RAI1: variants seen among roughly 807,000 people sequenced by gnomAD.
RAI1 encodes retinoic acid induced 1.
Under a neutral mutation model 123.8 loss-of-function variants are expected in RAI1, and 9 were observed. The observed-to-expected ratio is 0.07, with a 90% CI of 0.04 to 0.13. The LOEUF is 0.13. Ranked by LOEUF, RAI1 falls within the 10% of genes least tolerant of loss-of-function variation. The probability of loss-of-function intolerance (pLI) is 1.00; values close to 1 mark genes in which losing one functional copy is unlikely to be tolerated. For missense variants in RAI1, 2,256 were observed against 2,545.8 expected (o/e 0.89, Z 2.45); for synonymous variants, 1,231 against 1,127.3 (o/e 1.09, Z -1.84).
chr17:17,714,684 G>A lies in RAI1; in HGVS notation c.-148-9344G>A, dbSNP rs1786415020. On this transcript the variant is annotated intron_variant, in intron 1 of 5. Transcript: ENST00000353383. The surrounding 1 kb of genome is among the most constrained non-coding windows in gnomAD (Gnocchi z 4.9). ...CTGGCACACATTGTGGGAGTGCTGT[G>A]GGTCGAATAAGGAAGCTGAGCAGCA... 6.6e-6 allele frequency among the ~76,000 whole-genome samples: 1 copy of A among 152,190 alleles called. No individual in the cohort carries two copies. Among genetic ancestry groups the A allele is most frequent in the Non-Finnish European group, 1.5e-5 (1 of 68,038 alleles).
At chr17:17,771,167 C>T (rs2031142689) in intron 2 of RAI1, among the ~76,000 whole-genome samples, 1 of 152,126 alleles carries the variant, frequency 6.6e-6, no homozygotes, top group Admixed American at 6.5e-5. Flanking sequence ...AAGAAGGGCC[C>T]TAGGAGCTAC....
At chr17:17,806,904 G>A (rs1261498374) in intron 4 of RAI1, among the ~76,000 whole-genome samples, 1 of 151,822 alleles carries the variant, frequency 6.6e-6, no homozygotes, top group Non-Finnish European at 1.5e-5. Flanking sequence ...GGTGCGGGGA[G>A]GGGACTGGGC....
rs898964054 is a variant in RAI1, at chr17:17,681,664, C to T, written c.-278C>T. The T allele has an allele frequency of 1.2e-5, 3 of 260,114 alleles. No individual in the cohort carries two copies. Among genetic ancestry groups the T allele is most frequent in the African/African-American group, 4.6e-5 (2 of 43,494 alleles). The allele number at this position is 260,114 out of a possible 1,614,324, so 16.1% of individuals were successfully genotyped here. ...CCGGCGCGAGGAGGGGGCGCCGCGG[C>T]CCACCCTCCTTCCTGCCTGGCCGCG... is the stretch of plus-strand genomic sequence containing the variant. On this transcript the variant is annotated 5_prime_UTR_variant, in exon 1 of 6. Transcript: ENST00000353383.
intron 1 of RAI1, among the ~76,000 whole-genome samples, chr17:17,697,454 C>T (rs890206346): frequency 1.3e-5 from 2 of 152,266 alleles, no homozygotes; most frequent in Non-Finnish European, 2.9e-5. Context: ...CAGCCTGCAG[C>T]CAACGGCCCG....
At chr17:17,705,805 C>T (rs2142896144) in intron 1 of RAI1, among the ~76,000 whole-genome samples, 1 of 152,150 alleles carries the variant, frequency 6.6e-6, no homozygotes, top group East Asian at 1.9e-4. Flanking sequence ...GTGGGCAGAT[C>T]ACGAGGTCAA....
chr17:17,788,856 T>C (rs956474736), intron 2 of RAI1, among the ~76,000 whole-genome samples: 7 of 152,132 alleles, frequency 4.6e-5, no homozygotes, highest in African/African-American at 1.4e-4. Flanking sequence ...TGTGCCCATT[T>C]CGCTGACTGG....
intron 1 of RAI1, among the ~76,000 whole-genome samples, chr17:17,717,674 C>T (rs528096653): frequency 5.9e-5 from 9 of 152,316 alleles, no homozygotes; most frequent in Admixed American, 2.6e-4. Context: ...TCCTGCCCCC[C>T]ACCTGGGCCC....
intron 1 of RAI1, among the ~76,000 whole-genome samples, chr17:17,706,294 C>T (rs371152936): frequency 3.9e-5 from 6 of 152,104 alleles, no homozygotes; most frequent in South Asian, 4.1e-4. Context: ...CAGTTGGGTC[C>T]GGCCAGCAGG....
rs571229335 is a variant in RAI1 at position 17,793,782 on chromosome 17, G to GCAA, written c.836_837insACA (p.Gln291dup). 4.1e-4 allele frequency: 323 copies of GCAA among 783,942 alleles called. No individual in the cohort carries two copies. In the East Asian group the frequency reaches 6.5e-3, roughly 16 times the overall value. The allele number at this position is 783,942 out of a possible 1,614,324, so 48.6% of individuals were successfully genotyped here. ...AGTCGGGCCGCCTCAGCTATGACCA[G>GCAA]CAGCAGCAGCAGCAGCAGCAGCAGC... On this transcript the variant is annotated inframe_insertion, in exon 3 of 6. Coordinates refer to ENST00000353383, the MANE Select transcript of RAI1 (RefSeq NM_030665.4).
At chr17:17,716,230 AG>A (rs1915707582) in intron 1 of RAI1, among the ~76,000 whole-genome samples, 1 of 152,146 alleles carries the variant, frequency 6.6e-6, no homozygotes, top group Non-Finnish European at 1.5e-5. Flanking sequence ...AAGTGGCTGG[AG>A]GGGTCACTTG....
intron 2 of RAI1, among the ~76,000 whole-genome samples, chr17:17,735,705 C>T (rs1916412296): frequency 6.6e-6 from 1 of 152,200 alleles, no homozygotes; most frequent in African/African-American, 2.4e-5. Context: ...GTGGCCTGGG[C>T]TGCTCCAGGA....
chr17:17,768,380 T>G (rs2031018786), intron 2 of RAI1, among the ~76,000 whole-genome samples: 1 of 152,232 alleles, frequency 6.6e-6, no homozygotes, highest in Admixed American at 6.5e-5. Flanking sequence ...CCACAAATTC[T>G]GAGGCCACTC....
chr17:17,752,219 C>T (rs2030208527), intron 2 of RAI1, among the ~76,000 whole-genome samples: 1 of 152,138 alleles, frequency 6.6e-6, no homozygotes, highest in Non-Finnish European at 1.5e-5. Flanking sequence ...CGCGCGGGCG[C>T]AGGTAGCCAT....
In RAI1 at chr17:17,797,973, G is replaced by C; in HGVS notation, c.5025G>C (p.Val1675=). 6.2e-7 allele frequency: 1 copy of C among 1,614,066 alleles called. No individual in the cohort carries two copies. Among genetic ancestry groups the C allele is most frequent in the Non-Finnish European group, 8.5e-7 (1 of 1,180,024 alleles). The change falls in exon 3 of 6, where the codon GTG becomes GTC. Residue 1675 remains valine, a synonymous_variant. Coordinates refer to ENST00000353383, the MANE Select transcript of RAI1 (RefSeq NM_030665.4). ...PLSSTMHLGP[V]VSKALSTSCL... ...CCTCCACGATGCACTTGGGGCCTGT[G>C]GTTTCCAAGGCCCTGAGTACCTCTT...
At chr17:17,762,393 G>A (rs1031077139) in intron 2 of RAI1, among the ~76,000 whole-genome samples, 1 of 151,924 alleles carries the variant, frequency 6.6e-6, no homozygotes, top group Non-Finnish European at 1.5e-5. Flanking sequence ...GAGTGTGCAT[G>A]GGAGCGGGGT....
rs1598090836 is a variant in RAI1, at chr17:17,795,815, C to T, written c.2867C>T (p.Pro956Leu). 2 of 1,613,494 alleles carry T rather than the reference C, an allele frequency of 1.2e-6. No homozygotes were observed. Among genetic ancestry groups the T allele is most frequent in the Non-Finnish European group, 1.7e-6 (2 of 1,180,022 alleles). ...LSHMKPGEEG[P>L]DGERAPGDST... ...CACATGAAGCCAGGTGAAGAGGGGC[C>T]TGATGGGGAGCGAGCTCCAGGGGAT... The change falls in exon 3 of 6, where the codon CCT becomes CTT. Residue 956 changes from proline to leucine, a missense_variant. Around this residue, in one of 7 missense-constraint regions of RAI1, gnomAD observed 566 missense variants for 616.0 expected, o/e 0.92. Coordinates refer to ENST00000353383, the MANE Select transcript of RAI1 (RefSeq NM_030665.4). The surrounding 1 kb of genome is among the most constrained non-coding windows in gnomAD (Gnocchi z 5.9).
intron 2 of RAI1, among the ~76,000 whole-genome samples, chr17:17,733,048 C>A (rs1445471623): frequency 2.0e-5 from 3 of 152,206 alleles, no homozygotes; most frequent in Non-Finnish European, 2.9e-5. Context: ...ACCCACAGGG[C>A]ACTATCGGCA....
intron 2 of RAI1, among the ~76,000 whole-genome samples, chr17:17,787,224 C>T (rs2031855680): frequency 6.6e-6 from 1 of 152,152 alleles, no homozygotes; most frequent in Admixed American, 6.5e-5. Flanking sequence ...GCCCCTTGGT[C>T]TTGCTAGGCC....
In RAI1 at chr17:17,799,396, G is replaced by A. The variant is rs892434616; in HGVS notation, c.5565+883G>A. On this transcript the variant is annotated intron_variant, in intron 3 of 5. Coordinates refer to ENST00000353383, the MANE Select transcript of RAI1 (RefSeq NM_030665.4). This position sits in a 1 kb window ranked among gnomAD's most constrained non-coding sequence, Gnocchi z 4.5. ...TCTTCGTGGTGTCACCACTTCCCCA[G>A]TACCATAGAGTACCTCTGTGCCCTT... 6.6e-6 allele frequency among the ~76,000 whole-genome samples: 1 copy of A among 152,118 alleles called. No homozygotes were observed. The highest frequency in any genetic ancestry group is 2.1e-4 in the South Asian group (1 of 4,832).
Sources: allele counts gnomAD v4.1 joint callset (sites outside exome capture counted in the v4.1 genomes callset), GRCh38; gene constraint gnomAD v4.1.1; regional missense constraint gnomAD v4.1.1; non-coding constraint Gnocchi (gnomAD v3.1); transcripts MANE v1.5; gene names NCBI Gene and HGNC (gene_info 2026-07-23, HGNC 2026-07-21).